Variants in RGS12 observed in about 807,000 individuals in gnomAD.
RGS12 encodes regulator of G-protein signaling 12.
RGS12 carries 66 observed loss-of-function variants against 120.1 expected under a neutral mutation model. The observed-to-expected ratio is 0.55, with a 90% CI of 0.45 to 0.67. The LOEUF (loss-of-function observed/expected upper bound fraction) is 0.67, where lower values mean the gene tolerates loss of function less well. RGS12 is among the 30% of genes least tolerant of loss of function. The pLI is 0.00. For missense variants in RGS12, 1,859 were observed against 1,957.7 expected (o/e 0.95, Z 0.95); for synonymous variants, 827 against 804.7 (o/e 1.03, Z -0.47).
At chr4:3,428,304 C>G (rs916573002) in intron 15 of RGS12, 135 bp downstream of exon 15, 1 of 905,322 alleles carries the variant, frequency 1.1e-6, no homozygotes, top group Non-Finnish European at 1.8e-6. Context: ...GGCGGGGTCT[C>G]TCTCGTCCCT....
At chr4:3,404,856 A>G (rs948371494) in intron 4 of RGS12, among the ~76,000 whole-genome samples, 3 of 152,224 alleles carry the variant, frequency 2.0e-5, no homozygotes, top group African/African-American at 7.2e-5. Context: ...GCAAAGACTA[A>G]TTCCTGGGCT....
rs374510502 is a variant in RGS12, at chr4:3,433,205, G to A, written c.4114+2250G>A. On this transcript the variant is annotated intron_variant, in intron 17 of 17. Coordinates refer to ENST00000336727, the MANE Select transcript of RGS12 (RefSeq NM_001394154.1). The surrounding 1 kb of genome is among the most constrained non-coding windows in gnomAD (Gnocchi z 4.4). ...GTCATCCCGGGTCACGCTCTCCGAC[G>A]TTGACAGTTGCTGTGGGATGCTTCC... Among the ~76,000 whole-genome samples, 18 of 152,312 alleles carry A rather than the reference G, an allele frequency of 1.2e-4. No homozygotes were observed. The Middle Eastern group carries it at 0.017, about 144-fold the overall frequency.
chr4:3,417,399 A>G lies in RGS12; in HGVS notation c.2619A>G (p.Lys873=). 4 of 1,570,748 alleles carry G rather than the reference A, an allele frequency of 2.5e-6. No homozygotes were observed. The highest frequency in any genetic ancestry group is 3.5e-6 in the Non-Finnish European group (4 of 1,157,130). ...CCATTTGATGACAGTTAAGTGGAAA[A>G]TCAAAATCCGGCCGATCCCTGAATG... ...SVSTPKKLSG[K]SKSGRSLNEE... Residue 873 remains lysine, a synonymous_variant, in exon 9 of 18, where the codon AAA becomes AAG. Coordinates refer to ENST00000336727, the MANE Select transcript of RGS12 (RefSeq NM_001394154.1).
intron 9 of RGS12, chr4:3,419,338 A>C (rs919459959): frequency 6.6e-6 from 1 of 151,630 alleles, no homozygotes; most frequent in Non-Finnish European, 1.5e-5. Context: ...CTCAAAAAAA[A>C]AAAAAAAATT....
Position 3,423,520 on chromosome 4 carries a change from A to G in RGS12, c.3113A>G (p.Asp1038Gly). The G allele has an allele frequency of 6.2e-7, 1 of 1,613,096 alleles. No individual in the cohort carries two copies. The highest frequency in any genetic ancestry group is 8.5e-7 in the Non-Finnish European group (1 of 1,179,862). Residue 1038 changes from aspartate to glycine, a missense_variant, in exon 13 of 18, where the codon GAT (aspartate) becomes GGT (glycine). Physicochemically the swap from Asp to Gly is moderately conservative, Grantham distance 94. Coordinates refer to ENST00000336727, the MANE Select transcript of RGS12 (RefSeq NM_001394154.1). ...RLEKRTLFRL[D>G]LVPINRSVGL... ...ATTTTTTCATCCCCCACCAGGCTGG[A>G]TCTTGTTCCGATTAACCGGTCAGTG...
chr4:3,343,373 G>A (rs1713452836), intron 3 of RGS12, among the ~76,000 whole-genome samples: 1 of 152,132 alleles, frequency 6.6e-6, no homozygotes, highest in Non-Finnish European at 1.5e-5. Context: ...CCTTAAAGAC[G>A]GGGCGTGATC....
intron 4 of RGS12, among the ~76,000 whole-genome samples, chr4:3,407,779 TAAC>T (rs1372585369): frequency 2.0e-5 from 3 of 152,196 alleles, no homozygotes; most frequent in Non-Finnish European, 2.9e-5. Context: ...TTGGATGAGA[TAAC>T]AACGGGCCCG....
At chr4:3,345,645 T>A (rs1324845010) in intron 3 of RGS12, among the ~76,000 whole-genome samples, 3 of 152,184 alleles carry the variant, frequency 2.0e-5, no homozygotes, top group Non-Finnish European at 4.4e-5. Context: ...TTAAGTACGG[T>A]TTTGTCTGTT....
chr4:3,374,642 C>T lies in RGS12; in HGVS notation c.1999-11774C>T, dbSNP rs1357029590. Among the ~76,000 whole-genome samples the T allele has an allele frequency of 6.6e-6, 1 of 152,004 alleles. No individual in the cohort carries two copies. The highest frequency in any genetic ancestry group is 1.5e-5 in the Non-Finnish European group (1 of 68,004). On this transcript the variant is annotated intron_variant, in intron 3 of 17. Coordinates refer to ENST00000336727, the MANE Select transcript of RGS12 (RefSeq NM_001394154.1). This position sits in a 1 kb window ranked among gnomAD's most constrained non-coding sequence, Gnocchi z 6.3. ...TCCCTGTCCCTTCTGCTTGAGCCCACACCCTCTGATACTCCACGTCAGCAA... is the reference window on the plus strand; with the variant it reads ...TCCCTGTCCCTTCTGCTTGAGCCCATACCCTCTGATACTCCACGTCAGCAA...
At chr4:3,300,973 G>T (rs374108029) in intron 1 of RGS12, among the ~76,000 whole-genome samples, 8 of 152,216 alleles carry the variant, frequency 5.3e-5, no homozygotes, top group African/African-American at 1.9e-4. Flanking sequence ...GGGTGGTGAG[G>T]AGCCACGTGA....
intron 2 of RGS12, among the ~76,000 whole-genome samples, chr4:3,329,330 A>T (rs1210097242): frequency 6.6e-6 from 1 of 152,120 alleles, no homozygotes; most frequent in Non-Finnish European, 1.5e-5. Context: ...ACTGCCCCAT[A>T]GAAGGTGGGA....
At chr4:3,337,149 G>C (rs1712567938) in intron 2 of RGS12, among the ~76,000 whole-genome samples, 1 of 152,220 alleles carries the variant, frequency 6.6e-6, no homozygotes, top group East Asian at 1.9e-4. Flanking sequence ...CACACAGTGA[G>C]TCAGCACCTT....
chr4:3,368,270 A>G (rs1024164669), intron 3 of RGS12, among the ~76,000 whole-genome samples: 1 of 152,072 alleles, frequency 6.6e-6, no homozygotes, highest in South Asian at 2.1e-4. Context: ...TCACCCAGCC[A>G]CCCCAGAACC....
intron 4 of RGS12, among the ~76,000 whole-genome samples, chr4:3,411,051 C>T (rs141761734): frequency 3.7e-4 from 57 of 152,312 alleles, no homozygotes; most frequent in African/African-American, 1.1e-3. Flanking sequence ...GTCTTCCTTC[C>T]GGAGGCTTTC....
At position 3,374,992 on chromosome 4, in the gene RGS12, T is replaced by C. The variant is rs938324799; in HGVS notation, c.1999-11424T>C. Among the ~76,000 whole-genome samples, 1 of 152,290 alleles carries C rather than the reference T, an allele frequency of 6.6e-6. No individual in the cohort carries two copies. The highest frequency in any genetic ancestry group is 2.4e-5 in the African/African-American group (1 of 41,562). On this transcript the variant is annotated intron_variant, in intron 3 of 17. Coordinates refer to ENST00000336727, the MANE Select transcript of RGS12 (RefSeq NM_001394154.1). The surrounding 1 kb of genome is among the most constrained non-coding windows in gnomAD (Gnocchi z 6.3). ...ATGCTTTGCCAAGTGAGTGGGAGCGTTCTCAGCTTGCGTTTGCCATGCACC... is the reference window on the plus strand; with the variant it reads ...ATGCTTTGCCAAGTGAGTGGGAGCGCTCTCAGCTTGCGTTTGCCATGCACC...
rs1560645860 is a variant in RGS12 at position 3,309,644 on chromosome 4, G to GCA, written c.-101-6426_-101-6425insCA. Among the ~76,000 whole-genome samples the GCA allele has an allele frequency of 3.6e-4, 11 of 30,816 alleles. 1 individual carries two copies. The highest frequency in any genetic ancestry group is 2.3e-3 in the African/African-American group (9 of 3,846). 20.2% of individuals were successfully genotyped at this position (30,816 alleles called of 152,430 possible). On this transcript the variant is annotated intron_variant, in intron 1 of 17. Transcript: ENST00000336727. The stretch of plus-strand genomic sequence containing the variant: ...AGGTGTCCGCTGAGGGGAACCGTGT[G>GCA]GGGGAGGAGCTGGGACCCTGGAATG...
At chr4:3,363,866 G>T (rs888181549) in intron 3 of RGS12, among the ~76,000 whole-genome samples, 1 of 152,106 alleles carries the variant, frequency 6.6e-6, no homozygotes, top group South Asian at 2.1e-4. Context: ...TGGCCTGGAG[G>T]GCTGGGAGGT....
intron 3 of RGS12, among the ~76,000 whole-genome samples, chr4:3,367,125 C>G (rs1578839087): frequency 1.3e-5 from 2 of 152,366 alleles, no homozygotes; most frequent in African/African-American, 2.4e-5. Context: ...GGGGCTCCCT[C>G]TGGGTACTCA....
upstream of RGS12, among the ~76,000 whole-genome samples, chr4:3,292,590 A>T (rs557474224): frequency 3.9e-5 from 6 of 152,252 alleles, no homozygotes; most frequent in South Asian, 1.2e-3. Flanking sequence ...TCGGACACCG[A>T]CGGCGAAGGA....
Sources: gnomAD v4.1 joint callset for allele counts (sites outside exome capture counted in the v4.1 genomes callset) on GRCh38, gnomAD v4.1.1 for gene constraint, Gnocchi (gnomAD v3.1) non-coding constraint, MANE v1.5 for transcripts, NCBI Gene and HGNC (gene_info 2026-07-23, HGNC 2026-07-21) for gene names.